Variants in NAA60 observed in about 807,000 individuals in gnomAD.
The protein encoded by NAA60 is N-alpha-acetyltransferase 60, NatF catalytic subunit, also known as N-alpha-acetyltransferase 60.
NAA60 carries 8 observed loss-of-function variants against 26.1 expected under a neutral mutation model. That is an observed-to-expected ratio of 0.31 (90% CI 0.18 to 0.55). The LOEUF is 0.55. Ranked by LOEUF, NAA60 falls within the 20% of genes least tolerant of loss-of-function variation. The pLI is 0.93. For synonymous variants in NAA60, 131 were observed against 122.5 expected (o/e 1.07, Z -0.46); for missense variants, 290 against 311.3 (o/e 0.93, Z 0.51).
intron 2 of NAA60, among the ~76,000 whole-genome samples, chr16:3,468,754 C>G (rs1315324030): frequency 2.3e-4 from 35 of 152,202 alleles, no homozygotes; most frequent in Non-Finnish European, 2.9e-5. Context: ...AGGCTCGAGC[C>G]TTTGAAGCTC....
At chr16:3,469,103 T>C (rs1245200885) in intron 2 of NAA60, among the ~76,000 whole-genome samples, 1 of 144,682 alleles carries the variant, frequency 6.9e-6, no homozygotes, top group Non-Finnish European at 1.6e-5. Context: ...AAAAAAAAAA[T>C]TCAAGAGAGT....
chr16:3,458,448 C>T (rs1294803627), intron 2 of NAA60, among the ~76,000 whole-genome samples: 2 of 152,236 alleles, frequency 1.3e-5, no homozygotes, highest in Middle Eastern at 3.4e-3. Flanking sequence ...GTCGGGCCTT[C>T]TGCCTGGGGG....
intron 2 of NAA60, among the ~76,000 whole-genome samples, chr16:3,473,621 A>G (rs2036287591): frequency 6.6e-6 from 1 of 152,130 alleles, no homozygotes; most frequent in African/African-American, 2.4e-5. Context: ...GCTGGTCTCA[A>G]ACTCCTGACC....
intron 2 of NAA60, among the ~76,000 whole-genome samples, chr16:3,459,443 G>C (rs1296071487): frequency 6.6e-6 from 1 of 152,226 alleles, no homozygotes; most frequent in African/African-American, 2.4e-5. Context: ...AGTTCAGTTA[G>C]AGAAGGTGAG....
chr16:3,473,707 T>TTTGTTG (rs199845048), intron 2 of NAA60, among the ~76,000 whole-genome samples: 3,530 of 145,872 alleles, frequency 0.024, 59 homozygotes, highest in Non-Finnish European at 0.031. Flanking sequence ...GCCCCAGCTT[T>TTTGTTG]TTGTTGTTGT....
chr16:3,460,416 T>C (rs250636), intron 2 of NAA60, among the ~76,000 whole-genome samples: 20,152 of 152,234 alleles, frequency 0.13, 1,703 homozygotes, highest in Non-Finnish European at 0.19. Context: ...CAGGCTAGAA[T>C]GCAGTGGCGT....
chr16:3,474,557 G>A lies in NAA60; in HGVS notation c.-6-1665G>A, dbSNP rs143958432. Among the ~76,000 whole-genome samples the A allele has an allele frequency of 7.7e-3, 1,172 of 152,350 alleles. 7 individuals carry two copies. Among genetic ancestry groups the A allele is most frequent in the Non-Finnish European group, 0.012 (794 of 68,028 alleles). ...TGCAGAAACCTGGACAGTGGACGCC[G>A]CGGGCACTTCCCACCCATGGCAGCA... On this transcript the variant is annotated intron_variant, in intron 2 of 7. Transcript: ENST00000407558.
chr16:3,449,412 G>T (rs2034683593), intron 2 of NAA60, among the ~76,000 whole-genome samples: 1 of 152,156 alleles, frequency 6.6e-6, no homozygotes. Flanking sequence ...CAGCTACTTG[G>T]GAGGCTGAGG....
chr16:3,483,460 A>G lies in NAA60; in HGVS notation c.435A>G (p.Thr145=). 2 of 1,614,016 alleles carry G rather than the reference A, an allele frequency of 1.2e-6. No homozygotes were observed. Among genetic ancestry groups the G allele is most frequent in the Non-Finnish European group, 1.7e-6 (2 of 1,179,868 alleles). ...IYLHVLTTNN[T]AINFYENRDF... is the part of the protein sequence containing the mutation. The stretch of plus-strand genomic sequence containing the variant: ...TGCATGTCCTCACCACCAACAACAC[A>G]GCAATAAACTTCTATGAAAACAGAG... Residue 145 remains threonine, a synonymous_variant, in exon 6 of 8, where the codon ACA becomes ACG. Coordinates refer to ENST00000407558, the MANE Select transcript of NAA60 (RefSeq NM_001083601.3).
rs767025617 is a variant in NAA60 at position 3,483,453 on chromosome 16, A to G, written c.428A>G (p.Asn143Ser). Residue 143 changes from asparagine to serine, a missense_variant, in exon 6 of 8, where the codon AAC (asparagine) becomes AGC (serine). Transcript: ENST00000407558. The part of the protein sequence containing the change: ...KAIYLHVLTT[N>S]NTAINFYENR... Reference sequence around the variant, plus strand: ...ATTTACCTGCATGTCCTCACCACCAACAACACAGCAATAAACTTCTATGAA... The same window carrying G: ...ATTTACCTGCATGTCCTCACCACCAGCAACACAGCAATAAACTTCTATGAA... The G allele has an allele frequency of 6.2e-7, 1 of 1,613,970 alleles. No individual in the cohort carries two copies. Among genetic ancestry groups the G allele is most frequent in the South Asian group, 1.1e-5 (1 of 91,076 alleles).
chr16:3,468,809 C>G (rs1231147743), intron 2 of NAA60, among the ~76,000 whole-genome samples: 2 of 152,208 alleles, frequency 1.3e-5, no homozygotes, highest in Non-Finnish European at 1.5e-5. Flanking sequence ...GGCTCGGTAG[C>G]TCATGCCTGT....
chr16:3,482,573 G>T lies in NAA60; in HGVS notation c.312G>T (p.Val104=). The part of the protein sequence containing the change: ...QVAYILSLGV[V]KEFRKHGIGS... Reference sequence around the variant, plus strand: ...CGTACATCCTAAGTCTGGGCGTCGTGAAAGAGTTCAGGAAGCACGGCATAG... The same window carrying T: ...CGTACATCCTAAGTCTGGGCGTCGTTAAAGAGTTCAGGAAGCACGGCATAG... The change falls in exon 5 of 8, where the codon GTG becomes GTT. Residue 104 remains valine, a synonymous_variant. Coordinates refer to ENST00000407558, the MANE Select transcript of NAA60 (RefSeq NM_001083601.3). 1.2e-6 allele frequency: 2 copies of T among 1,607,916 alleles called. No homozygotes were observed. Among genetic ancestry groups the T allele is most frequent in the Non-Finnish European group, 1.7e-6 (2 of 1,177,224 alleles).
chr16:3,459,835 TG>T (rs1226343042), intron 2 of NAA60, among the ~76,000 whole-genome samples: 4 of 152,254 alleles, frequency 2.6e-5, no homozygotes. Flanking sequence ...GTGTTTGTTT[TG>T]ACCAGGCCGG....
At chr16:3,481,737 G>C (rs2036850135) in intron 4 of NAA60, among the ~76,000 whole-genome samples, 2 of 152,196 alleles carry the variant, frequency 1.3e-5, no homozygotes, top group Non-Finnish European at 2.9e-5. Flanking sequence ...TGCAGGCCTG[G>C]AGTAACAAGA....
rs368051835 is a variant in NAA60, at chr16:3,447,801, C to G, written c.-76-670C>G. On this transcript the variant is annotated intron_variant, in intron 1 of 7. Coordinates refer to ENST00000407558, the MANE Select transcript of NAA60 (RefSeq NM_001083601.3). ...CACAGTTTTGAAATTAGCACAACTT[C>G]TAGCTGGATAGGAGTCTTTTTAGTT... Among the ~76,000 whole-genome samples the G allele has an allele frequency of 6.6e-5, 10 of 152,298 alleles. No individual in the cohort carries two copies. In the East Asian group the frequency reaches 7.7e-4, roughly 12 times the overall value.
intron 6 of NAA60, 102 bp from the exon 7 acceptor site, chr16:3,484,597 C>G: frequency 6.9e-7 from 1 of 1,448,022 alleles, no homozygotes; most frequent in Non-Finnish European, 9.3e-7. Flanking sequence ...GCCTGGCTTG[C>G]CATCTGCACA....
rs1212655725 is a variant in NAA60, at chr16:3,476,278, C to T, written c.51C>T (p.Leu17=). 1 of 1,613,982 alleles carries T rather than the reference C, an allele frequency of 6.2e-7. No homozygotes were observed. The highest frequency in any genetic ancestry group is 1.1e-5 in the South Asian group (1 of 91,078). The change falls in exon 3 of 8, where the codon CTC becomes CTT. Residue 17 remains leucine, a synonymous_variant. Coordinates refer to ENST00000407558, the MANE Select transcript of NAA60 (RefSeq NM_001083601.3). Reference sequence around the variant, plus strand: ...CGCTCAGCGAGGTCAGCCTGCGCCTCCTCTGCCACGATGACATAGACACTG... The same window carrying T: ...CGCTCAGCGAGGTCAGCCTGCGCCTTCTCTGCCACGATGACATAGACACTG... The part of the protein sequence containing the change: ...SSALSEVSLR[L]LCHDDIDTVK...
intron 3 of NAA60, among the ~76,000 whole-genome samples, chr16:3,478,340 G>A (rs1321148904): frequency 1.3e-5 from 2 of 152,322 alleles, no homozygotes; most frequent in East Asian, 1.9e-4. Context: ...CTCTGCCCAG[G>A]GTTGCCTGAG....
chr16:3,483,625 CTG>C lies in NAA60; in HGVS notation c.572+31_572+32del, dbSNP rs56932256. Reference sequence around the variant, plus strand: ...ATCCTTAACTTCTGGGGGAGAGGGACTGTGGCTTCCTGTCCATAAGGTGGCAG... The same window carrying C: ...ATCCTTAACTTCTGGGGGAGAGGGACTGGCTTCCTGTCCATAAGGTGGCAG... On this transcript the variant is annotated intron_variant, in intron 6 of 7. Coordinates refer to ENST00000407558, the MANE Select transcript of NAA60 (RefSeq NM_001083601.3). 2,766 of 1,543,626 alleles carry C rather than the reference CTG, an allele frequency of 1.8e-3. 35 individuals carry two copies. The African/African-American group carries it at 0.033, about 19-fold the overall frequency.
Sources: allele counts gnomAD v4.1 joint callset (sites outside exome capture counted in the v4.1 genomes callset), GRCh38; gene constraint gnomAD v4.1.1; transcripts MANE v1.5; gene names NCBI Gene and HGNC (gene_info 2026-07-23, HGNC 2026-07-21).